NFATC2: variants seen among roughly 807,000 people sequenced by gnomAD.
The protein encoded by NFATC2 is nuclear factor of activated T-cells, cytoplasmic 2.
Under a neutral mutation model 87.3 loss-of-function variants are expected in NFATC2, and 22 were observed. The observed-to-expected ratio is 0.25, with a 90% CI of 0.18 to 0.36. The LOEUF (loss-of-function observed/expected upper bound fraction) is 0.36, where lower values mean the gene tolerates loss of function less well. NFATC2 is among the 10% of genes least tolerant of loss of function. NFATC2 has a pLI of 1.00. For missense variants in NFATC2, 1,149 were observed against 1,259.1 expected (o/e 0.91, Z 1.32); for synonymous variants, 565 against 542.2 (o/e 1.04, Z -0.58).
At chr20:51,407,511 T>C (rs6067758) in intron 9 of NFATC2, among the ~76,000 whole-genome samples, 140,427 of 152,314 alleles carry the variant, frequency 0.92, 64,812 homozygotes, top group African/African-American at 0.96. Flanking sequence ...CTTCATCTTG[T>C]GGACATCGGG....
chr20:51,527,765 G>A (rs1011285254), intron 1 of NFATC2, among the ~76,000 whole-genome samples: 1 of 152,000 alleles, frequency 6.6e-6, no homozygotes, highest in Non-Finnish European at 1.5e-5. Context: ...ACGTGCCCCC[G>A]GAACCACATG....
At chr20:51,398,763 GA>G (rs11478012) in intron 9 of NFATC2, 33 bp from the exon 10 acceptor site, 376,178 of 1,196,638 alleles carry the variant, frequency 0.31, 49,517 homozygotes, top group African/African-American at 0.52. Context: ...TTTTTGAGAA[GA>G]AAAAAAAAAA....
In NFATC2 at chr20:51,392,633, T is replaced by G. The variant is rs530038112; in HGVS notation, c.*45-1182A>C. 2.6e-5 allele frequency among the ~76,000 whole-genome samples: 4 copies of G among 152,340 alleles called. No individual in the cohort carries two copies. The South Asian group carries it at 8.3e-4, about 32-fold the overall frequency. On this transcript the variant is annotated intron_variant, in intron 10 of 10. Coordinates refer to ENST00000371564, the MANE Select transcript of NFATC2 (RefSeq NM_012340.5). The stretch of plus-strand genomic sequence containing the variant: ...TGGAAGGCATGAGGCTGTAGACCCC[T>G]TTGGGAGTCCCATCAAAGGCAGGTT...
chr20:51,479,616 T>C (rs1568669561), intron 3 of NFATC2, among the ~76,000 whole-genome samples: 1 of 152,262 alleles, frequency 6.6e-6, no homozygotes, highest in East Asian at 1.9e-4. Context: ...CATGACCCTG[T>C]CTCAAACAAA....
chr20:51,505,558 G>A (rs1296224662), intron 3 of NFATC2, among the ~76,000 whole-genome samples: 1 of 151,968 alleles, frequency 6.6e-6, no homozygotes, highest in Non-Finnish European at 1.5e-5. Flanking sequence ...TTTCGAACCT[G>A]TGCCAGTATT....
chr20:51,428,981 G>T (rs6126228), intron 9 of NFATC2, among the ~76,000 whole-genome samples: 79,027 of 152,012 alleles, frequency 0.52, 22,657 homozygotes, highest in South Asian at 0.64. Context: ...GGACAGAAAA[G>T]GACCTAAAGA....
At chr20:51,490,999 A>T (rs2075872808) in intron 3 of NFATC2, among the ~76,000 whole-genome samples, 1 of 152,098 alleles carries the variant, frequency 6.6e-6, no homozygotes, top group African/African-American at 2.4e-5. Flanking sequence ...TAAGAAAACC[A>T]CCCAGGTCAG....
At chr20:51,544,138 C>A (rs1481855332), upstream of NFATC2, among the ~76,000 whole-genome samples, 1 of 151,836 alleles carries the variant, frequency 6.6e-6, no homozygotes, top group Non-Finnish European at 1.5e-5. Context: ...CAGGCGCCAG[C>A]CACCATGCCT....
At chr20:51,398,158 G>A (rs1158283670) in intron 10 of NFATC2, among the ~76,000 whole-genome samples, 1 of 152,168 alleles carries the variant, frequency 6.6e-6, no homozygotes, top group Non-Finnish European at 1.5e-5. Flanking sequence ...GGGAGGAGCT[G>A]AAACCTTGAG....
intron 1 of NFATC2, among the ~76,000 whole-genome samples, chr20:51,538,307 G>A (rs546719936): frequency 2.0e-5 from 3 of 151,908 alleles, no homozygotes; most frequent in East Asian, 3.9e-4. Flanking sequence ...ATAGGTCTAC[G>A]AAGAATAAGA....
chr20:51,438,443 G>GAAAAAAAAAAAAAAAAAAA (rs11474098), intron 6 of NFATC2, among the ~76,000 whole-genome samples: 1 of 139,006 alleles, frequency 7.2e-6, no homozygotes. Flanking sequence ...AGCTTGCTTT[G>GAAAAAAAAAAAAAAAAAAA]AAAAAAAAAA....
At chr20:51,393,580 T>C (rs1600637244) in intron 10 of NFATC2, among the ~76,000 whole-genome samples, 1 of 152,196 alleles carries the variant, frequency 6.6e-6, no homozygotes, top group Non-Finnish European at 1.5e-5. Flanking sequence ...CCAGGGGCCC[T>C]AAACCAGAAG....
intron 9 of NFATC2, among the ~76,000 whole-genome samples, chr20:51,405,096 C>T (rs1255020144): frequency 1.3e-5 from 2 of 152,106 alleles, no homozygotes; most frequent in African/African-American, 4.8e-5. Context: ...GCACCAAGCC[C>T]CAAGATGGCA....
At position 51,418,951 on chromosome 20, in the gene NFATC2, A is replaced by ACAC. The variant is rs571962143; in HGVS notation, c.2722+13115_2722+13116insGTG. On this transcript the variant is annotated intron_variant, in intron 9 of 10. Transcript: ENST00000371564. The stretch of plus-strand genomic sequence containing the variant: ...AGTGCTGGGATTATAGGCGTGAGCC[A>ACAC]CCCCCACCGCCCTAGGTTTTCTTTA... Among the ~76,000 whole-genome samples the ACAC allele has an allele frequency of 4.8e-4, 70 of 145,960 alleles. 3 individuals are homozygous for ACAC. Among genetic ancestry groups the ACAC allele is most frequent in the African/African-American group, 1.8e-3 (69 of 37,322 alleles).
chr20:51,418,659 GTTTT>G (rs752511466), intron 9 of NFATC2, among the ~76,000 whole-genome samples: 49 of 125,106 alleles, frequency 3.9e-4, no homozygotes, highest in African/African-American at 1.6e-3. Flanking sequence ...TGTTTGTTTG[GTTTT>G]TTTTTTTTTT....
Position 51,391,406 on chromosome 20 carries a change from T to A in NFATC2, c.*90A>T. 6.2e-7 allele frequency: 1 copy of A among 1,607,960 alleles called. No homozygotes were observed. The highest frequency in any genetic ancestry group is 1.1e-5 in the South Asian group (1 of 90,986). ...CTATAATGGCTTCTTTTACGTCTGA[T>A]TTCTGGCAGGAGGTCCTGAAAACTC... On this transcript the variant is annotated 3_prime_UTR_variant, in exon 11 of 11. Coordinates refer to ENST00000371564, the MANE Select transcript of NFATC2 (RefSeq NM_012340.5).
At chr20:51,537,205 C>T (rs192319550) in intron 1 of NFATC2, among the ~76,000 whole-genome samples, 18 of 98,888 alleles carry the variant, frequency 1.8e-4, no homozygotes, top group Non-Finnish European at 3.3e-4. Context: ...ATCAAAAGCA[C>T]GTGGGGGGAT....
At chr20:51,516,686 C>T in intron 3 of NFATC2, 98 bp downstream of exon 3, 1 of 1,305,102 alleles carries the variant, frequency 7.7e-7, no homozygotes, top group South Asian at 1.5e-5. Context: ...GGCTGAGACA[C>T]ATACCTCACC....
chr20:51,425,307 C>T (rs944910159), intron 9 of NFATC2, among the ~76,000 whole-genome samples: 3 of 152,250 alleles, frequency 2.0e-5, no homozygotes, highest in Non-Finnish European at 4.4e-5. Context: ...GGGGGCCTGG[C>T]CTTTTATTGG....
Sources: gnomAD v4.1 joint callset for allele counts (sites outside exome capture counted in the v4.1 genomes callset) on GRCh38, gnomAD v4.1.1 for gene constraint, MANE v1.5 for transcripts, NCBI Gene and HGNC (gene_info 2026-07-23, HGNC 2026-07-21) for gene names.